CALD1: variants seen among roughly 807,000 people sequenced by gnomAD.
CALD1 encodes caldesmon 1.
In CALD1, 33 loss-of-function variants were observed where a neutral mutation model predicts 99.9. The ratio of observed to expected loss-of-function variants is 0.33; its 90% confidence interval spans 0.25 to 0.44. The LOEUF is 0.44. CALD1 is among the 20% of genes least tolerant of loss of function. CALD1 has a pLI of 1.00. For synonymous variants in CALD1, 310 were observed against 325.0 expected (o/e 0.95, Z 0.50); for missense variants, 861 against 962.1 (o/e 0.89, Z 1.39).
the CALD1 span, among the ~76,000 whole-genome samples, chr7:134,711,678 A>ATGTGTGTG: frequency 1.6e-4 from 9 of 54,800 alleles, no homozygotes; most frequent in African/African-American, 4.6e-4. Context: ...ATATATATAT[A>ATGTGTGTG]TATGTGTGTG....
Position 134,848,285 on chromosome 7 carries a change from G to A in CALD1, c.-42+4314G>A, listed in dbSNP as rs111914030. Among the ~76,000 whole-genome samples the A allele has an allele frequency of 7.5e-3, 1,136 of 151,844 alleles. 8 individuals carry two copies. The highest frequency in any genetic ancestry group is 0.01 in the Non-Finnish European group (698 of 67,970). ...GATTTTTTCTTTCCTCCTCCCTTTC[G>A]CTAATTCAAAACAAAATGTCCATCA... On this transcript the variant is annotated intron_variant, in intron 2 of 14. Coordinates refer to ENST00000361675, the MANE Select transcript of CALD1 (RefSeq NM_033138.4).
intron 2 of CALD1, among the ~76,000 whole-genome samples, chr7:134,856,891 T>C (rs1800325550): frequency 6.6e-6 from 1 of 152,218 alleles, no homozygotes; most frequent in South Asian, 2.1e-4. Flanking sequence ...GTTCAACAAA[T>C]AAACACTGCC....
At chr7:134,963,008 G>T (rs1266080388) in intron 13 of CALD1, 5 of 445,732 alleles carry the variant, frequency 1.1e-5, no homozygotes, top group East Asian at 7.0e-5. Flanking sequence ...TTCTTAAAAG[G>T]ACTCTTTAAA....
chr7:134,794,437 C>A (rs1304009557), intron 1 of CALD1, among the ~76,000 whole-genome samples: 1 of 152,184 alleles, frequency 6.6e-6, no homozygotes, highest in Admixed American at 6.5e-5. Context: ...ATCATCTTAT[C>A]CTCTAAAGAA....
At chr7:134,905,775 A>G (rs73454251) in intron 3 of CALD1, among the ~76,000 whole-genome samples, 6,032 of 152,086 alleles carry the variant, frequency 0.04, 378 homozygotes, top group African/African-American at 0.14. Flanking sequence ...CCTAAAAAGA[A>G]GTCATGAGTG....
intron 13 of CALD1, among the ~76,000 whole-genome samples, chr7:134,964,295 A>T (rs959653958): frequency 6.6e-6 from 1 of 152,200 alleles, no homozygotes; most frequent in African/African-American, 2.4e-5. Flanking sequence ...GGAGGTGAAG[A>T]AAACCCTACA....
chr7:134,938,409 C>G (rs1806163556), intron 6 of CALD1, among the ~76,000 whole-genome samples: 3 of 152,160 alleles, frequency 2.0e-5, no homozygotes, highest in Admixed American at 1.3e-4. Flanking sequence ...CACTGGATAT[C>G]CCAAATATCT....
intron 9 of CALD1, 78 bp from the exon 10 acceptor site, chr7:134,957,991 T>A: frequency 9.6e-7 from 1 of 1,041,146 alleles, no homozygotes; most frequent in Non-Finnish European, 1.5e-6. Context: ...GGTTCAGGGA[T>A]GATATTGGCC....
chr7:134,862,556 G>T (rs1459067560), intron 2 of CALD1, among the ~76,000 whole-genome samples: 1 of 152,148 alleles, frequency 6.6e-6, no homozygotes, highest in Non-Finnish European at 1.5e-5. Context: ...GATTGCCAGG[G>T]TTTTGGAGTA....
intron 1 of CALD1, among the ~76,000 whole-genome samples, chr7:134,787,954 A>G (rs1585933246): frequency 6.6e-6 from 1 of 152,138 alleles, no homozygotes; most frequent in Non-Finnish European, 1.5e-5. Flanking sequence ...GCTAAAAAGG[A>G]ATTAGATTAG....
chr7:134,957,514 G>A (rs577566501), intron 9 of CALD1, among the ~76,000 whole-genome samples: 10 of 152,264 alleles, frequency 6.6e-5, no homozygotes, highest in African/African-American at 2.4e-4. Context: ...CTCCCTCCCA[G>A]GTTCAAGCAA....
chr7:134,940,957 A>G, intron 6 of CALD1, 135 bp from the exon 7 acceptor site: 1 of 644,936 alleles, frequency 1.6e-6, no homozygotes. Flanking sequence ...CCTGATTCCA[A>G]CTCTACCACA....
intron 3 of CALD1, among the ~76,000 whole-genome samples, chr7:134,887,407 A>G (rs1161969958): frequency 1.3e-5 from 2 of 152,130 alleles, no homozygotes; most frequent in African/African-American, 4.8e-5. Flanking sequence ...TCTAGGCAAG[A>G]TTTTTTGCCT....
At chr7:134,901,670 G>A (rs1303318818) in intron 3 of CALD1, among the ~76,000 whole-genome samples, 1 of 152,108 alleles carries the variant, frequency 6.6e-6, no homozygotes, top group Non-Finnish European at 1.5e-5. Flanking sequence ...TGTCAGCAGG[G>A]CCATGCTCCC....
the CALD1 span, among the ~76,000 whole-genome samples, chr7:134,718,884 T>C: frequency 6.6e-6 from 1 of 152,376 alleles, no homozygotes; most frequent in African/African-American, 2.4e-5. Context: ...TTAGATGTCA[T>C]ACCTAGATGA....
At chr7:134,941,303 T>C (rs1386257335) in intron 7 of CALD1, 66 bp downstream of exon 7, 2 of 1,255,386 alleles carry the variant, frequency 1.6e-6, no homozygotes, top group Admixed American at 2.3e-5. Flanking sequence ...AAAAAGTCAG[T>C]CTTCCCATCC....
chr7:134,916,602 G>A lies in CALD1; in HGVS notation c.72-12152G>A, dbSNP rs547209313. 1.3e-5 allele frequency among the ~76,000 whole-genome samples: 2 copies of A among 152,332 alleles called. 1 individual carries two copies. The highest frequency in any genetic ancestry group is 3.9e-4 in the East Asian group (2 of 5,178). ...ACAAGATATGTGACTTGATTTAGTG[G>A]CATCCACATGCTGTGTACCGTTTCC... On this transcript the variant is annotated intron_variant, in intron 3 of 14. Coordinates refer to ENST00000361675, the MANE Select transcript of CALD1 (RefSeq NM_033138.4).
chr7:134,810,398 A>G (rs1415297565), intron 1 of CALD1, among the ~76,000 whole-genome samples: 1 of 152,148 alleles, frequency 6.6e-6, no homozygotes, highest in Non-Finnish European at 1.5e-5. Flanking sequence ...CCCTTTATTT[A>G]GTTATATCAT....
At chr7:134,873,000 T>C (rs1042489687) in intron 3 of CALD1, among the ~76,000 whole-genome samples, 2 of 152,052 alleles carry the variant, frequency 1.3e-5, no homozygotes, top group East Asian at 1.9e-4. Flanking sequence ...CTGGCCAACA[T>C]GGTGAAACCC....
Sources: allele counts gnomAD v4.1 joint callset (sites outside exome capture counted in the v4.1 genomes callset), GRCh38; gene constraint gnomAD v4.1.1; transcripts MANE v1.5; gene names NCBI Gene and HGNC (gene_info 2026-07-23, HGNC 2026-07-21).